Variants in ZNF614 observed in about 807,000 individuals in gnomAD.
The protein encoded by ZNF614 is zinc finger protein 614.
A neutral mutation model predicts 12.8 loss-of-function variants in ZNF614; 11 were observed. The ratio of observed to expected loss-of-function variants is 0.86; its 90% CI spans 0.54 to 1.43. ZNF614 has a LOEUF of 1.43. ZNF614 is among the 40% of genes most tolerant of loss of function. The probability of loss-of-function intolerance (pLI) is 0.00; values close to 1 mark genes in which losing one functional copy is unlikely to be tolerated. For missense variants in ZNF614, 664 were observed against 708.8 expected, an observed-to-expected ratio of 0.94 and a Z score of 0.72; for synonymous variants, 237 against 237.5, an observed-to-expected ratio of 1.00 and a Z score of 0.02.
Position 52,015,668 on chromosome 19 carries a change from A to T in ZNF614, c.*172T>A. On this transcript the variant is annotated 3_prime_UTR_variant, in exon 5 of 5. Transcript: ENST00000270649. The stretch of plus-strand genomic sequence containing the variant: ...CTTATTTACTGTATTCATCAAATTG[A>T]TCTCTAGGGCAAATTATTTCACCTC... 1 of 614,528 alleles carries T rather than the reference A, an allele frequency of 1.6e-6. No homozygotes were observed. Among genetic ancestry groups the T allele is most frequent in the Non-Finnish European group, 2.8e-6 (1 of 355,572 alleles). The allele number at this position is 614,528 out of a possible 1,614,324, so 38.1% of individuals were successfully genotyped here. A position where few individuals can be genotyped will look rare whatever the true frequency, so the allele number is the denominator to read the frequency against.
intron 4 of ZNF614, 51 bp from the exon 5 acceptor site, chr19:52,017,410 A>G: frequency 6.6e-7 from 1 of 1,522,016 alleles, no homozygotes; most frequent in Non-Finnish European, 8.8e-7. Context: ...TATGAGATAA[A>G]AATGCTTATG....
At chr19:52,024,876 T>C (rs987612972) in intron 2 of ZNF614, among the ~76,000 whole-genome samples, 3 of 152,172 alleles carry the variant, frequency 2.0e-5, no homozygotes, top group Non-Finnish European at 2.9e-5. Context: ...GGGAAAGACC[T>C]GACCGTCCCC....
chr19:52,024,356 C>G (rs2086955749), intron 2 of ZNF614, among the ~76,000 whole-genome samples: 1 of 152,128 alleles, frequency 6.6e-6, no homozygotes, highest in Admixed American at 6.5e-5. Flanking sequence ...GGACTGAGCC[C>G]TCAACCTGTG....
chr19:52,022,022 G>C (rs181490662), intron 2 of ZNF614, among the ~76,000 whole-genome samples: 1 of 152,280 alleles, frequency 6.6e-6, no homozygotes, highest in East Asian at 1.9e-4. Flanking sequence ...GAACCTCACT[G>C]GTGAATGGGA....
rs555077781 is a variant in ZNF614, at chr19:52,025,311, T to G, written c.15+420A>C. On this transcript the variant is annotated intron_variant, in intron 2 of 4. Transcript: ENST00000270649. Reference sequence around the variant, plus strand: ...CCAACAAAGCATGGATTCTTTCATATTGAGTCTACTTTTTTTTCCTTCTTT... The same window carrying G: ...CCAACAAAGCATGGATTCTTTCATAGTGAGTCTACTTTTTTTTCCTTCTTT... 1.2e-4 allele frequency among the ~76,000 whole-genome samples: 18 copies of G among 152,226 alleles called. No homozygotes were observed. The South Asian group carries it at 3.7e-3, about 32-fold the overall frequency.
chr19:52,026,743 C>A (rs1212230701), intron 1 of ZNF614, among the ~76,000 whole-genome samples: 1 of 152,218 alleles, frequency 6.6e-6, no homozygotes, highest in African/African-American at 2.4e-5. Context: ...CCGTGTAAAA[C>A]CCCATTGTCT....
intron 4 of ZNF614, 162 bp from the exon 5 acceptor site, chr19:52,017,521 G>A: frequency 1.7e-6 from 1 of 604,014 alleles, no homozygotes; most frequent in Non-Finnish European, 2.8e-6. Context: ...GACCAATGTG[G>A]TGAAACCCCG....
intron 2 of ZNF614, among the ~76,000 whole-genome samples, chr19:52,023,974 G>A (rs1418594073): frequency 1.3e-5 from 2 of 152,108 alleles, no homozygotes; most frequent in Non-Finnish European, 1.5e-5. Context: ...ACCACCAATA[G>A]TTAATGAATT....
At chr19:52,021,919 T>G (rs1001998126) in intron 2 of ZNF614, among the ~76,000 whole-genome samples, 2 of 152,052 alleles carry the variant, frequency 1.3e-5, no homozygotes, top group Non-Finnish European at 2.9e-5. Context: ...TATAAATCAG[T>G]AAGACCACAA....
At position 52,028,270 on chromosome 19, in the gene ZNF614, GGCAGC is replaced by G. The variant is rs772339741; in HGVS notation, c.-250_-246del. On this transcript the variant is annotated 5_prime_UTR_variant, in exon 1 of 5. The change abolishes the stop of an existing upstream ORF in the 5' untranslated region. Coordinates refer to ENST00000270649, the MANE Select transcript of ZNF614 (RefSeq NM_025040.4). ...AGCCCGAACCTCTCCAGACACCACT[GGCAGC>G]GACAAAACGCCGCATCCACGTCCGA... The G allele has an allele frequency of 1.3e-5, 2 of 152,590 alleles. No homozygotes were observed. Among genetic ancestry groups the G allele is most frequent in the Admixed American group, 1.3e-4 (2 of 15,288 alleles). 9.5% of individuals were successfully genotyped at this position (152,590 alleles called of 1,614,324 possible).
rs1394126569 is a variant in ZNF614 at position 52,016,490 on chromosome 19, GT to G, written c.1107del (p.Lys369AsnfsTer14). 1 of 1,613,540 alleles carries G rather than the reference GT, an allele frequency of 6.2e-7. No homozygotes were observed. On this transcript the variant is annotated frameshift_variant, in exon 5 of 5. Coordinates refer to ENST00000270649, the MANE Select transcript of ZNF614 (RefSeq NM_025040.4). LOFTEE classifies it low-confidence loss of function (END_TRUNC). ...VVHQRTHTGE[K>X]PYMCSECGKG... ...TTTCCACATTCACTGCACATATAGGGTTTCTCTCCAGTATGAGTTCGCTGAT... is the reference window on the plus strand; with the variant it reads ...TTTCCACATTCACTGCACATATAGGGTTCTCTCCAGTATGAGTTCGCTGAT...
chr19:52,017,978 T>C (rs377081396), intron 4 of ZNF614, 30 bp downstream of exon 4: 329 of 1,559,886 alleles, frequency 2.1e-4, no homozygotes, highest in Non-Finnish European at 2.7e-4. Context: ...AAGACTCCTA[T>C]AGCCACTGTC....
chr19:52,024,828 C>A (rs2086960196), intron 2 of ZNF614, among the ~76,000 whole-genome samples: 1 of 152,212 alleles, frequency 6.6e-6, no homozygotes, highest in African/African-American at 2.4e-5. Flanking sequence ...TCCAAGGTTT[C>A]TTCCCAAGTG....
At chr19:52,022,455 G>A (rs2086938262) in intron 2 of ZNF614, among the ~76,000 whole-genome samples, 4 of 152,202 alleles carry the variant, frequency 2.6e-5, no homozygotes, top group South Asian at 4.1e-4. Flanking sequence ...AGTGAGGAGC[G>A]CCTTTGCGCG....
Position 52,018,467 on chromosome 19 carries a change from C to T in ZNF614, c.43G>A (p.Val15Met), listed in dbSNP as rs1428954589. 2 of 1,614,054 alleles carry T rather than the reference C, an allele frequency of 1.2e-6. No homozygotes were observed. The highest frequency in any genetic ancestry group is 1.7e-5 in the Admixed American group (1 of 60,004). ...TGCCACTCCTCCCAGCTGAATTCCACAGCCACATCCTCCAGGGTCAGTGAT... is the reference window on the plus strand; with the variant it reads ...TGCCACTCCTCCCAGCTGAATTCCATAGCCACATCCTCCAGGGTCAGTGAT... ...QESLTLEDVA[V>M]EFSWEEWQLL... The change falls in exon 3 of 5, where the codon GTG (valine) becomes ATG (methionine). Residue 15 changes from valine (V) to methionine (M), a missense_variant. Coordinates refer to ENST00000270649, the MANE Select transcript of ZNF614 (RefSeq NM_025040.4).
In ZNF614 at chr19:52,015,894, G is replaced by C. The variant is rs1460216800; in HGVS notation, c.1704C>G (p.Ile568Met). The change falls in exon 5 of 5, where the codon ATC becomes ATG. Residue 568 changes from isoleucine to methionine, a missense_variant. Transcript: ENST00000270649. ...KKMHTREMGR[I>M]SQVENSCNGE... Reference sequence around the variant, plus strand: ...CATTACAGGAGTTTTCAACTTGACTGATTCTACCCATTTCTCTTGTGTGCA... The same window carrying C: ...CATTACAGGAGTTTTCAACTTGACTCATTCTACCCATTTCTCTTGTGTGCA... The C allele has an allele frequency of 1.9e-6, 3 of 1,614,062 alleles. No homozygotes were observed.
At position 52,016,462 on chromosome 19, in the gene ZNF614, C is replaced by G. The variant is rs752816725; in HGVS notation, c.1136G>C (p.Gly379Ala). 5.6e-6 allele frequency: 9 copies of G among 1,613,740 alleles called. No individual in the cohort carries two copies. Among genetic ancestry groups the G allele is most frequent in the South Asian group, 2.2e-5 (2 of 91,080 alleles). Residue 379 changes from glycine to alanine, a missense_variant, in exon 5 of 5, where the codon GGC becomes GCC. Transcript: ENST00000270649. ...KPYMCSECGK[G>A]FTVKSNLIVH... Reference sequence around the variant, plus strand: ...AATGAGATTGCTCTTCACGGTAAAGCCTTTTCCACATTCACTGCACATATA... The same window carrying G: ...AATGAGATTGCTCTTCACGGTAAAGGCTTTTCCACATTCACTGCACATATA...
intron 4 of ZNF614, 113 bp downstream of exon 4, chr19:52,017,895 G>T (rs1478087825): frequency 8.7e-6 from 6 of 687,272 alleles, no homozygotes; most frequent in Non-Finnish European, 1.5e-5. Context: ...ATGGGGAGAT[G>T]AATATATAGT....
At position 52,015,870 on chromosome 19, in the gene ZNF614, A is replaced by G; in HGVS notation, c.1728T>C (p.Asn576=). 1.2e-6 allele frequency: 2 copies of G among 1,613,448 alleles called. No homozygotes were observed. Among genetic ancestry groups the G allele is most frequent in the South Asian group, 1.1e-5 (1 of 90,978 alleles). The change falls in exon 5 of 5, where the codon AAT becomes AAC. Residue 576 remains asparagine, a synonymous_variant. Transcript: ENST00000270649. ...GRISQVENSC[N]GESQLLPYK is the part of the protein sequence containing the mutation. ...TATAAGGAAGGAGCTGTGACTCTCCATTACAGGAGTTTTCAACTTGACTGA... is the reference window on the plus strand; with the variant it reads ...TATAAGGAAGGAGCTGTGACTCTCCGTTACAGGAGTTTTCAACTTGACTGA...
Sources: gnomAD v4.1 joint callset for allele counts (sites outside exome capture counted in the v4.1 genomes callset) on GRCh38, gnomAD v4.1.1 for gene constraint, MANE v1.5 for transcripts, NCBI Gene and HGNC (gene_info 2026-07-23, HGNC 2026-07-21) for gene names.